ZDHHC6: variants seen among roughly 807,000 people sequenced by gnomAD.
The protein encoded by ZDHHC6 is zDHHC palmitoyltransferase 6.
In ZDHHC6, 32 loss-of-function variants were observed where a neutral mutation model predicts 57.8. The ratio of observed to expected loss-of-function variants is 0.55; its 90% CI spans 0.42 to 0.74. ZDHHC6 has a LOEUF of 0.74. ZDHHC6 is among the 30% of genes least tolerant of loss of function. The probability of loss-of-function intolerance (pLI) is 0.00; values close to 1 mark genes in which losing one functional copy is unlikely to be tolerated. For synonymous variants in ZDHHC6, 128 were observed against 158.0 expected (o/e 0.81, Z 1.42); for missense variants, 433 against 500.7 (o/e 0.86, Z 1.29).
At chr10:112,443,785 C>T (rs1846380880) in intron 2 of ZDHHC6, among the ~76,000 whole-genome samples, 179 bp from the exon 3 acceptor site, 1 of 152,192 alleles carries the variant, frequency 6.6e-6, no homozygotes, top group African/African-American at 2.4e-5. Flanking sequence ...AGCAGCATCA[C>T]TTTCCCAATT....
rs751200849 is a variant in ZDHHC6, at chr10:112,442,322, G to A, written c.389C>T (p.Pro130Leu). 2 of 1,613,150 alleles carry A rather than the reference G, an allele frequency of 1.2e-6. No individual in the cohort carries two copies. Among genetic ancestry groups the A allele is most frequent in the South Asian group, 1.1e-5 (1 of 90,780 alleles). ...GTAACCACAACAGTTGTTGATCCAA[G>A]GACAGTGATGGTCCATCTTCATCAC... is the stretch of plus-strand genomic sequence containing the variant. ...RCVMKMDHHC[P>L]WINNCCGYQN... The change falls in exon 4 of 11, where the codon CCT (proline) becomes CTT (leucine). Residue 130 changes from proline to leucine, a missense_variant. Physicochemically the swap from Pro to Leu is moderately conservative, Grantham distance 98. Coordinates refer to ENST00000369405, the MANE Select transcript of ZDHHC6 (RefSeq NM_022494.3).
downstream of ZDHHC6, among the ~76,000 whole-genome samples, chr10:112,429,979 T>TGG (rs1296859364): frequency 5.8e-3 from 469 of 81,318 alleles, no homozygotes; most frequent in Non-Finnish European, 8.4e-3. Context: ...GGGGGGGGTG[T>TGG]GGGGGGGGTA....
upstream of ZDHHC6, chr10:112,447,330 C>G (rs758269063): frequency 6.3e-7 from 1 of 1,595,908 alleles, no homozygotes; most frequent in East Asian, 2.3e-5. Context: ...GAGGCCCTTT[C>G]CCTGACCTAG....
At chr10:112,436,135 G>C (rs1341994704) in intron 6 of ZDHHC6, among the ~76,000 whole-genome samples, 3 of 152,194 alleles carry the variant, frequency 2.0e-5, no homozygotes, top group Non-Finnish European at 4.4e-5. Flanking sequence ...AGTATCAAGT[G>C]TGAGACAGGG....
rs1197924673 is a variant in ZDHHC6, at chr10:112,443,665, C to T, written c.268-59G>A. ...CGGATACTTGAATATAAGTATGATT[C>T]CTACGGTATGATTTTCTTTTATGGG... On this transcript the variant is annotated intron_variant, in intron 2 of 10. Coordinates refer to ENST00000369405, the MANE Select transcript of ZDHHC6 (RefSeq NM_022494.3). 1.3e-5 allele frequency: 18 copies of T among 1,356,576 alleles called. No homozygotes were observed. The South Asian group carries it at 2.2e-4, about 17-fold the overall frequency. 84.0% of individuals were successfully genotyped at this position (1,356,576 alleles called of 1,614,324 possible).
chr10:112,434,666 T>C (rs1054211444), intron 6 of ZDHHC6, among the ~76,000 whole-genome samples: 1 of 152,226 alleles, frequency 6.6e-6, no homozygotes, highest in African/African-American at 2.4e-5. Context: ...GCCTTGTATG[T>C]GATTACCTAG....
downstream of ZDHHC6, chr10:112,426,294 G>C: frequency 4.3e-6 from 7 of 1,614,114 alleles, no homozygotes; most frequent in Non-Finnish European, 5.1e-6. Context: ...TGACACAGAT[G>C]TACTTCCCTC....
At chr10:112,433,130 A>G in intron 8 of ZDHHC6, 110 bp downstream of exon 8, 1 of 846,226 alleles carries the variant, frequency 1.2e-6, no homozygotes, top group Non-Finnish European at 1.7e-6. Context: ...AAGGAATACT[A>G]TTTAATAAAG....
upstream of ZDHHC6, chr10:112,447,024 G>GGTCT: frequency 2.5e-5 from 7 of 283,964 alleles, no homozygotes; most frequent in South Asian, 1.3e-4. Flanking sequence ...TGGATCCGGA[G>GGTCT]CCGATTCCCA....
chr10:112,444,086 T>C (rs548891939), intron 2 of ZDHHC6, among the ~76,000 whole-genome samples: 15 of 152,270 alleles, frequency 9.9e-5, no homozygotes, highest in African/African-American at 3.6e-4. Flanking sequence ...ATTGTCAAAA[T>C]AATATTCCTA....
At position 112,442,283 on chromosome 10, in the gene ZDHHC6, G is replaced by A. The variant is rs760509774; in HGVS notation, c.428C>T (p.Ser143Leu). 3.7e-6 allele frequency: 6 copies of A among 1,613,890 alleles called. No homozygotes were observed. The highest frequency in any genetic ancestry group is 5.1e-6 in the Non-Finnish European group (6 of 1,179,962). ...NNCCGYQNHA[S>L]FTLFLLLAPL... ...TGCTAAAAGGAGAAACAGTGTGAAC[G>A]AAGCATGATTTTGGTAACCACAACA... is the stretch of plus-strand genomic sequence containing the variant. The change falls in exon 4 of 11, where the codon TCG becomes TTG. Residue 143 changes from serine (S) to leucine (L), a missense_variant. Ser to Leu is a moderately radical substitution (Grantham distance 145). Coordinates refer to ENST00000369405, the MANE Select transcript of ZDHHC6 (RefSeq NM_022494.3).
intron 2 of ZDHHC6, among the ~76,000 whole-genome samples, chr10:112,444,927 CT>C (rs1478208763): frequency 6.6e-6 from 1 of 151,800 alleles, no homozygotes. Flanking sequence ...CCACCTCCAT[CT>C]TTTTTTTAAT....
downstream of ZDHHC6, chr10:112,427,188 A>C: frequency 6.3e-7 from 1 of 1,591,306 alleles, no homozygotes; most frequent in South Asian, 1.1e-5. Flanking sequence ...ATCACTAATG[A>C]GCATGGATGT....
chr10:112,427,535 A>G (rs530045307), downstream of ZDHHC6: 34 of 497,656 alleles, frequency 6.8e-5, no homozygotes, highest in Middle Eastern at 4.8e-4. Flanking sequence ...GTTCCCAAAT[A>G]AATCAATCCT....
At chr10:112,434,193 A>G in intron 7 of ZDHHC6, 104 bp downstream of exon 7, 1 of 1,158,360 alleles carries the variant, frequency 8.6e-7, no homozygotes, top group Non-Finnish European at 1.2e-6. Context: ...TAGTGAAAAC[A>G]TTCATATTAC....
At chr10:112,440,443 A>G (rs1845992666) in intron 5 of ZDHHC6, 91 bp downstream of exon 5, 12 of 1,331,726 alleles carry the variant, frequency 9.0e-6, no homozygotes, top group Non-Finnish European at 1.1e-5. Context: ...TCCATTTCAT[A>G]CTGGACACTT....
intron 3 of ZDHHC6, among the ~76,000 whole-genome samples, chr10:112,442,758 A>G (rs907468135): frequency 6.6e-6 from 1 of 152,172 alleles, no homozygotes; most frequent in Non-Finnish European, 1.5e-5. Context: ...ATAGACCTCC[A>G]GTGGGGTTAA....
At chr10:112,427,428 T>TA (rs1844777508), downstream of ZDHHC6, 11 of 1,426,170 alleles carry the variant, frequency 7.7e-6, no homozygotes, top group Non-Finnish European at 9.4e-6. Context: ...AAACTATTCT[T>TA]ACATTTGTTT....
At chr10:112,425,386 G>A, downstream of ZDHHC6, 4 of 1,613,198 alleles carry the variant, frequency 2.5e-6, no homozygotes, top group Non-Finnish European at 3.4e-6. Context: ...TTTCAAGCTG[G>A]CCCAAGGAGA....
Sources: allele counts gnomAD v4.1 joint callset (sites outside exome capture counted in the v4.1 genomes callset), GRCh38; gene constraint gnomAD v4.1.1; transcripts MANE v1.5; gene names NCBI Gene and HGNC (gene_info 2026-07-23, HGNC 2026-07-21).